The following LAMB4 variants were observed in gnomAD, a reference collection of about 807,000 sequenced individuals.
LAMB4 encodes the protein laminin subunit beta-4.
LAMB4 carries 196 observed loss-of-function variants against 199.2 expected under a neutral mutation model. The ratio of observed to expected loss-of-function variants is 0.98; its 90% CI spans 0.88 to 1.11. The LOEUF is 1.11. Ranked by LOEUF, LAMB4 falls within the 50% of genes least tolerant of loss-of-function variation. The pLI is 0.00. For missense variants in LAMB4, 2,080 were observed against 2,171.2 expected (o/e 0.96, Z 0.83); for synonymous variants, 744 against 770.6 (o/e 0.97, Z 0.57).
chr7:108,062,311 G>A (rs73725311), intron 23 of LAMB4: 7,088 of 152,340 alleles, frequency 0.047, 564 homozygotes, highest in African/African-American at 0.16. Flanking sequence ...CAGTCTGGAA[G>A]TCAAGAAGAC....
chr7:108,115,263 A>C (rs140306716), intron 3 of LAMB4, among the ~76,000 whole-genome samples: 89 of 152,388 alleles, frequency 5.8e-4, no homozygotes, highest in African/African-American at 2.0e-3. Context: ...TGATCAGTTA[A>C]GGTTTCCTGG....
intron 11 of LAMB4, among the ~76,000 whole-genome samples, chr7:108,096,597 G>A (rs1240886478): frequency 1.3e-5 from 2 of 151,936 alleles, no homozygotes; most frequent in African/African-American, 4.8e-5. Flanking sequence ...TTATTGAATT[G>A]TTTACAGGGT....
At position 108,043,755 on chromosome 7, in the gene LAMB4, AC is replaced by A. The variant is rs1194476230; in HGVS notation, c.4467del (p.Leu1489PhefsTer2). On this transcript the variant is annotated frameshift_variant, in exon 29 of 34. Transcript: ENST00000388781. LOFTEE classifies it high-confidence loss of function. ...NLFIKKVKNF[L>X]LEENVPPEDI... ...CTAATATATATTTTTAAATTACCTA[AC>A]AAAAAGTTTTTCACTTTTTTGATGA... 1 of 1,564,820 alleles carries A rather than the reference AC, an allele frequency of 6.4e-7. No individual in the cohort carries two copies. Among genetic ancestry groups the A allele is most frequent in the African/African-American group, 1.4e-5 (1 of 72,688 alleles).
At chr7:108,094,429 C>A (rs1165617986) in intron 12 of LAMB4, among the ~76,000 whole-genome samples, 1 of 152,110 alleles carries the variant, frequency 6.6e-6, no homozygotes, top group Non-Finnish European at 1.5e-5. Context: ...CTTTCCCCCA[C>A]CCCCTCTGCC....
intron 33 of LAMB4, among the ~76,000 whole-genome samples, chr7:108,028,696 C>T (rs1470981768): frequency 6.6e-6 from 1 of 151,982 alleles, no homozygotes; most frequent in Non-Finnish European, 1.5e-5. Context: ...AGAGTGATCT[C>T]GAACTCCTGA....
chr7:108,048,698 T>A (rs1006037410), intron 27 of LAMB4, among the ~76,000 whole-genome samples: 2 of 135,140 alleles, frequency 1.5e-5, no homozygotes, highest in African/African-American at 8.0e-5. Flanking sequence ...TATTTAATTA[T>A]TTATTTATTT....
At chr7:108,081,714 T>C (rs2036949108) in intron 14 of LAMB4, among the ~76,000 whole-genome samples, 1 of 152,134 alleles carries the variant, frequency 6.6e-6, no homozygotes, top group Admixed American at 6.5e-5. Context: ...ATGATACAAT[T>C]GCTAAAATTG....
At position 108,077,008 on chromosome 7, in the gene LAMB4, T is replaced by A. The variant is rs780061283; in HGVS notation, c.2060A>T (p.Asp687Val). 16 of 1,613,630 alleles carry A rather than the reference T, an allele frequency of 9.9e-6. No individual in the cohort carries two copies. The highest frequency in any genetic ancestry group is 1.3e-5 in the African/African-American group (1 of 74,910). The change falls in exon 17 of 34, where the codon GAT becomes GTT. Residue 687 changes from aspartate (D) to valine (V), a missense_variant. Transcript: ENST00000388781. The stretch of plus-strand genomic sequence containing the variant: ...TTGCAAAGGCTGAGAAAAATAGACA[T>A]CTATGGAATATTGTACATCTGGTTC... ...CLEPDVQYSI[D>V]VYFSQPLQGE... is the part of the protein sequence containing the mutation.
chr7:108,098,372 A>ACGCCCCCTCCCCG, intron 11 of LAMB4, 31 bp downstream of exon 11: 2 of 1,547,474 alleles, frequency 1.3e-6, no homozygotes, highest in Non-Finnish European at 1.8e-6. Context: ...GGGTTGATGG[A>ACGCCCCCTCCCCG]CACTCCCCCG....
intron 1 of LAMB4, among the ~76,000 whole-genome samples, chr7:108,130,065 A>C (rs903746756): frequency 6.6e-6 from 1 of 152,218 alleles, no homozygotes; most frequent in African/African-American, 2.4e-5. Flanking sequence ...AGTAAGGCTC[A>C]AGTTGTTGGC....
chr7:108,089,149 C>A (rs564463088), intron 14 of LAMB4, among the ~76,000 whole-genome samples: 1 of 152,194 alleles, frequency 6.6e-6, no homozygotes, highest in East Asian at 1.9e-4. Context: ...CCAATGGACC[C>A]CCTGTATGTA....
rs1554426273 is a variant in LAMB4 at position 108,042,937 on chromosome 7, C to CTCTG, written c.4471+814_4471+815insCAGA. On this transcript the variant is annotated intron_variant, in intron 29 of 33. Transcript: ENST00000388781. ...ATTAATCATCTCTCTCTCTCAATCT[C>CTCTG]TGTGTGTGTGTGTGTGTGTGTGTGT... 3.6e-3 allele frequency among the ~76,000 whole-genome samples: 509 copies of CTCTG among 140,386 alleles called. 2 individuals are homozygous for CTCTG. The highest frequency in any genetic ancestry group is 0.013 in the African/African-American group (485 of 36,388). The allele number at this position is 140,386 out of a possible 152,430, so 92.1% of individuals were successfully genotyped here.
In LAMB4 at chr7:108,106,513, G is replaced by C. The variant is rs199719988; in HGVS notation, c.651C>G (p.Ile217Met). The C allele has an allele frequency of 1.9e-6, 3 of 1,564,358 alleles. No homozygotes were observed. Among genetic ancestry groups the C allele is most frequent in the Non-Finnish European group, 2.6e-6 (3 of 1,141,714 alleles). Residue 217 changes from isoleucine (I) to methionine (M), a missense_variant, in exon 7 of 34, where the codon ATC (isoleucine) becomes ATG (methionine). By Grantham distance (10) the Ile-to-Met change is conservative. Coordinates refer to ENST00000388781, the MANE Select transcript of LAMB4 (RefSeq NM_007356.3). Reference sequence around the variant, plus strand: ...AAAATATAAAGGAATTCATACCTTGGATGTAGGGGCTATAAGGGTTTTCAA... The same window carrying C: ...AAAATATAAAGGAATTCATACCTTGCATGTAGGGGCTATAAGGGTTTTCAA... ...FEIENPYSPY[I>M]QDLVTLTNLR...
intron 28 of LAMB4, among the ~76,000 whole-genome samples, chr7:108,047,345 A>G (rs1264789812): frequency 6.6e-6 from 1 of 152,032 alleles, no homozygotes; most frequent in Non-Finnish European, 1.5e-5. Context: ...CTGAGACAGC[A>G]AGACCAACCC....
In LAMB4 at chr7:108,052,263, G is replaced by A; in HGVS notation, c.3756-6C>T. On this transcript the variant is annotated splice_polypyrimidine_tract_variant and splice_region_variant and intron_variant, in intron 25 of 33. Coordinates refer to ENST00000388781, the MANE Select transcript of LAMB4 (RefSeq NM_007356.3). Reference sequence around the variant, plus strand: ...TTAGCTGCATGATTTGTCTTCTATAGAGGAAATAAGGGTAAATGTAGTTAA... The same window carrying A: ...TTAGCTGCATGATTTGTCTTCTATAAAGGAAATAAGGGTAAATGTAGTTAA... 6.4e-7 allele frequency: 1 copy of A among 1,572,002 alleles called. No individual in the cohort carries two copies. The highest frequency in any genetic ancestry group is 8.6e-7 in the Non-Finnish European group (1 of 1,156,372).
chr7:108,038,382 C>T (rs899326490), intron 29 of LAMB4, among the ~76,000 whole-genome samples: 3 of 152,096 alleles, frequency 2.0e-5, no homozygotes, highest in Admixed American at 6.6e-5. Flanking sequence ...AGGATGGTCT[C>T]GATCTCCTGA....
intron 33 of LAMB4, chr7:108,027,018 A>G: frequency 4.6e-6 from 2 of 432,056 alleles, no homozygotes; most frequent in Non-Finnish European, 8.9e-6. Flanking sequence ...AAGAACTATA[A>G]AAGCTGTGGT....
Position 108,055,902 on chromosome 7 carries a change from G to A in LAMB4, c.3485C>T (p.Ala1162Val), listed in dbSNP as rs999795267. Residue 1162 changes from alanine to valine, a missense_variant, in exon 25 of 34, where the codon GCC becomes GTC. By Grantham distance (64) the Ala-to-Val change is moderately conservative (BLOSUM62 0). Transcript: ENST00000388781. Reference sequence around the variant, plus strand: ...AGGGAATTCCTGGCTGTGTCCCCGGGCACAGCGATCACATCTCTGGCCGCT... The same window carrying A: ...AGGGAATTCCTGGCTGTGTCCCCGGACACAGCGATCACATCTCTGGCCGCT... ...GVSGQRCDRC[A>V]RGHSQEFPTC... The A allele has an allele frequency of 1.2e-6, 2 of 1,614,124 alleles. No individual in the cohort carries two copies. Among genetic ancestry groups the A allele is most frequent in the African/African-American group, 2.7e-5 (2 of 75,020 alleles).
intron 9 of LAMB4, among the ~76,000 whole-genome samples, chr7:108,104,265 A>G (rs2037919557): frequency 6.6e-6 from 1 of 150,386 alleles, no homozygotes; most frequent in African/African-American, 2.4e-5. Flanking sequence ...GTGCCACACA[A>G]CATGCTTACT....
Sources: allele counts gnomAD v4.1 joint callset (sites outside exome capture counted in the v4.1 genomes callset), GRCh38; gene constraint gnomAD v4.1.1; transcripts MANE v1.5; gene names NCBI Gene and HGNC (gene_info 2026-07-23, HGNC 2026-07-21).